Variants in ZNF407 observed in about 807,000 individuals in gnomAD.
ZNF407 encodes zinc finger protein 407.
ZNF407 carries 17 observed loss-of-function variants against 131.2 expected under a neutral mutation model. The ratio of observed to expected loss-of-function variants is 0.13; its 90% CI spans 0.09 to 0.19. ZNF407 has a LOEUF of 0.19. Among genes scored for constraint, ZNF407 ranks in the 10% least tolerant of loss-of-function variants. The pLI, the probability that ZNF407 is intolerant of heterozygous loss-of-function variation, is 1.00. For missense variants in ZNF407, 2,681 were observed against 2,830.6 expected (o/e 0.95, Z 1.20); for synonymous variants, 1,156 against 1,062.0 (o/e 1.09, Z -1.72).
intron 4 of ZNF407, among the ~76,000 whole-genome samples, chr18:74,830,352 G>A (rs1484472646): frequency 1.3e-5 from 2 of 152,216 alleles, no homozygotes; most frequent in African/African-American, 2.4e-5. Context: ...GTGTGATCAC[G>A]GCTCGCTGCA....
At chr18:74,948,552 C>G (rs1972179796) in intron 8 of ZNF407, among the ~76,000 whole-genome samples, 1 of 152,118 alleles carries the variant, frequency 6.6e-6, no homozygotes, top group Non-Finnish European at 1.5e-5. Context: ...TGTTGAATCC[C>G]CGACACTACC....
At chr18:74,678,387 G>A (rs1473525309) in intron 3 of ZNF407, among the ~76,000 whole-genome samples, 1 of 152,112 alleles carries the variant, frequency 6.6e-6, no homozygotes, top group Non-Finnish European at 1.5e-5. Flanking sequence ...TGGGCTCTTA[G>A]GATAGCTTCT....
At chr18:74,761,792 AT>A (rs1218893139) in intron 3 of ZNF407, among the ~76,000 whole-genome samples, 1 of 152,136 alleles carries the variant, frequency 6.6e-6, no homozygotes, top group Non-Finnish European at 1.5e-5. Flanking sequence ...ATTTTTGGTA[AT>A]TTTGGTATTT....
chr18:74,775,522 T>G (rs1568210165), intron 3 of ZNF407, among the ~76,000 whole-genome samples: 1 of 152,210 alleles, frequency 6.6e-6, no homozygotes, highest in African/African-American at 2.4e-5. Context: ...GTTTCTCACA[T>G]ATTTGTCAGT....
chr18:75,060,507 C>CTTTTTTTTTTTTT (rs564194650), intron 8 of ZNF407, among the ~76,000 whole-genome samples: 2 of 124,464 alleles, frequency 1.6e-5, no homozygotes, highest in Non-Finnish European at 3.2e-5. Flanking sequence ...TTCTTTTTTT[C>CTTTTTTTTTTTTT]TTTTTTTTTT....
chr18:74,818,763 C>T (rs992781506), intron 4 of ZNF407, among the ~76,000 whole-genome samples: 5 of 150,684 alleles, frequency 3.3e-5, no homozygotes, highest in African/African-American at 1.2e-4. Context: ...TCATATGTGG[C>T]CTGTTTCCAA....
At chr18:74,601,329 CTGTGTGTGTGTG>C (rs60358173) in intron 1 of ZNF407, among the ~76,000 whole-genome samples, 38 of 144,860 alleles carry the variant, frequency 2.6e-4, no homozygotes, top group Admixed American at 1.5e-3. Context: ...GTGTGTATGT[CTGTGTGTGTGTG>C]TGTGTGTGTG....
In ZNF407 at chr18:74,795,982, C is replaced by T. The variant is rs574038227; in HGVS notation, c.4877+14480C>T. Among the ~76,000 whole-genome samples, 57 of 152,360 alleles carry T rather than the reference C, an allele frequency of 3.7e-4. 1 individual carries two copies. In the South Asian group the frequency reaches 0.01, roughly 27 times the overall value. On this transcript the variant is annotated intron_variant, in intron 4 of 8. Transcript: ENST00000299687. ...CACACGCACACGTGCCCTTGCAGCA[C>T]ATGAACGAGTCTCTGGAAAGTAATT... is the stretch of plus-strand genomic sequence containing the variant.
At chr18:74,902,894 A>G (rs1039667219) in intron 7 of ZNF407, among the ~76,000 whole-genome samples, 1 of 152,188 alleles carries the variant, frequency 6.6e-6, no homozygotes, top group Non-Finnish European at 1.5e-5. Flanking sequence ...GAACTCTCTT[A>G]TCATATGTTG....
intron 1 of ZNF407, among the ~76,000 whole-genome samples, chr18:74,609,050 A>G (rs919505727): frequency 3.3e-5 from 5 of 152,200 alleles, no homozygotes; most frequent in Non-Finnish European, 5.9e-5. Context: ...GGGGTATTTC[A>G]TATCTTGAGA....
chr18:74,799,384 C>T (rs1328163661), intron 4 of ZNF407, among the ~76,000 whole-genome samples: 1 of 152,016 alleles, frequency 6.6e-6, no homozygotes, highest in Non-Finnish European at 1.5e-5. Context: ...TACAGGATCC[C>T]TTGAGAGAAT....
chr18:75,013,589 T>C (rs1004852866), intron 8 of ZNF407, among the ~76,000 whole-genome samples: 11 of 152,092 alleles, frequency 7.2e-5, no homozygotes, highest in Admixed American at 7.2e-4. Context: ...AGGATTCACA[T>C]GTAGTGAAAT....
chr18:74,782,604 G>A (rs142007824), intron 4 of ZNF407, among the ~76,000 whole-genome samples: 172 of 148,836 alleles, frequency 1.2e-3, no homozygotes, highest in African/African-American at 3.0e-3. Flanking sequence ...TGTTCTCCCC[G>A]TTCTCCCCTT....
chr18:74,820,497 G>A (rs1276952525), intron 4 of ZNF407, among the ~76,000 whole-genome samples: 1 of 152,230 alleles, frequency 6.6e-6, no homozygotes, highest in Non-Finnish European at 1.5e-5. Flanking sequence ...CGAGTTCACT[G>A]TCACTAATGT....
intron 4 of ZNF407, among the ~76,000 whole-genome samples, chr18:74,829,939 G>A (rs938968064): frequency 8.5e-5 from 13 of 152,252 alleles, no homozygotes; most frequent in African/African-American, 3.1e-4. Context: ...TGTATTTGGA[G>A]ATAGGGCCTT....
At chr18:74,729,503 G>A (rs1156811607) in intron 3 of ZNF407, among the ~76,000 whole-genome samples, 1 of 151,924 alleles carries the variant, frequency 6.6e-6, no homozygotes, top group Admixed American at 6.6e-5. Context: ...GTGTGTGTGT[G>A]TGTTTTTTTT....
chr18:74,959,907 T>C (rs970698958), intron 8 of ZNF407, among the ~76,000 whole-genome samples: 1 of 152,214 alleles, frequency 6.6e-6, no homozygotes, highest in Non-Finnish European at 1.5e-5. Flanking sequence ...AGTAGACATT[T>C]CTATGGGAGT....
chr18:74,929,567 A>G (rs188768411), intron 8 of ZNF407, among the ~76,000 whole-genome samples: 3 of 152,300 alleles, frequency 2.0e-5, no homozygotes, highest in Admixed American at 6.5e-5. Context: ...CTAATTCAAT[A>G]TAACTTACAT....
At chr18:74,984,070 C>T (rs78262443) in intron 8 of ZNF407, among the ~76,000 whole-genome samples, 2,165 of 152,342 alleles carry the variant, frequency 0.014, 24 homozygotes, top group Non-Finnish European at 0.024. Context: ...AAAACCATCT[C>T]TCTTCTTTTA....
Sources: gnomAD v4.1 joint callset for allele counts (sites outside exome capture counted in the v4.1 genomes callset) on GRCh38, gnomAD v4.1.1 for gene constraint, MANE v1.5 for transcripts, NCBI Gene and HGNC (gene_info 2026-07-23, HGNC 2026-07-21) for gene names.